Variants in RGS17 observed in about 807,000 individuals in gnomAD.
The protein encoded by RGS17 is regulator of G protein signaling 17.
A neutral mutation model predicts 25.5 loss-of-function variants in RGS17; 12 were observed. That is an observed-to-expected ratio of 0.47 (90% CI 0.30 to 0.76). RGS17 has a LOEUF of 0.76. Among genes scored for constraint, RGS17 ranks in the 30% least tolerant of loss-of-function variants. The pLI, the probability that RGS17 is intolerant of heterozygous loss-of-function variation, is 0.07. For synonymous variants in RGS17, 71 were observed against 76.9 expected, an observed-to-expected ratio of 0.92 and a Z score of 0.40; for missense variants, 196 against 242.2, an observed-to-expected ratio of 0.81 and a Z score of 1.27.
intron 1 of RGS17, among the ~76,000 whole-genome samples, chr6:153,085,335 G>A (rs1448564350): frequency 2.0e-5 from 3 of 152,078 alleles, no homozygotes; most frequent in African/African-American, 4.8e-5. Flanking sequence ...TCCTCCTCAC[G>A]CAGAGAAGAC....
At chr6:153,044,076 A>G (rs1207525872) in intron 1 of RGS17, 33 bp from the exon 2 acceptor site, 10 of 1,015,746 alleles carry the variant, frequency 9.8e-6, no homozygotes, top group East Asian at 2.4e-5. Flanking sequence ...TTGGGTATGA[A>G]AAAAGCAATA....
chr6:153,026,440 G>A lies in RGS17; in HGVS notation c.209+14C>T. The A allele has an allele frequency of 6.3e-7, 1 of 1,587,482 alleles. No individual in the cohort carries two copies. On this transcript the variant is annotated intron_variant, in intron 3 of 4. Coordinates refer to ENST00000206262, the MANE Select transcript of RGS17 (RefSeq NM_012419.5). ...AAATGCAAGAAACAATAGCTATGTGGTTCTCACACTCACCATTCCTCTAGG... is the reference window on the plus strand; with the variant it reads ...AAATGCAAGAAACAATAGCTATGTGATTCTCACACTCACCATTCCTCTAGG...
chr6:153,072,240 T>C (rs1776814370), intron 1 of RGS17, among the ~76,000 whole-genome samples: 1 of 152,152 alleles, frequency 6.6e-6, no homozygotes, highest in African/African-American at 2.4e-5. Context: ...ATAGCATTGC[T>C]CTATTCCAAA....
At chr6:153,127,836 G>A (rs772634160) in intron 1 of RGS17, among the ~76,000 whole-genome samples, 2 of 152,162 alleles carry the variant, frequency 1.3e-5, no homozygotes, top group African/African-American at 2.4e-5. Flanking sequence ...TGTAAGTGCT[G>A]ATTTTAAAAA....
chr6:153,102,576 G>A (rs776490994), intron 1 of RGS17, among the ~76,000 whole-genome samples: 5 of 152,160 alleles, frequency 3.3e-5, no homozygotes, highest in Non-Finnish European at 7.4e-5. Context: ...CCCCCATGCC[G>A]TTCTCATGAT....
chr6:153,084,119 G>A (rs756089888), intron 1 of RGS17, among the ~76,000 whole-genome samples: 4 of 152,106 alleles, frequency 2.6e-5, no homozygotes, highest in Non-Finnish European at 4.4e-5. Flanking sequence ...TTGGTCTTCT[G>A]GCATACAAGG....
chr6:153,117,644 C>T (rs75577362), intron 1 of RGS17, among the ~76,000 whole-genome samples: 1,799 of 152,272 alleles, frequency 0.012, 30 homozygotes, highest in African/African-American at 0.041. Context: ...CCTCCAAACC[C>T]CAGTGTTCTT....
intron 1 of RGS17, among the ~76,000 whole-genome samples, chr6:153,067,529 A>G (rs1270878690): frequency 1.3e-5 from 2 of 152,234 alleles, no homozygotes; most frequent in Non-Finnish European, 2.9e-5. Flanking sequence ...ACAATCTGAA[A>G]AAGAAACCAA....
intron 1 of RGS17, among the ~76,000 whole-genome samples, chr6:153,056,796 T>C (rs1776566176): frequency 6.6e-6 from 1 of 152,064 alleles, no homozygotes. Flanking sequence ...TTTGTTTAGA[T>C]ATTGTTTTCC....
chr6:153,032,063 A>C, intron 2 of RGS17, among the ~76,000 whole-genome samples: 1 of 152,174 alleles, frequency 6.6e-6, no homozygotes, highest in Non-Finnish European at 1.5e-5. Context: ...GGAAAGGAGA[A>C]TAGAACTGAT....
At chr6:153,025,205 T>C (rs1017987434) in intron 3 of RGS17, among the ~76,000 whole-genome samples, 3 of 151,974 alleles carry the variant, frequency 2.0e-5, no homozygotes, top group Admixed American at 1.3e-4. Context: ...TCCCAGCTAT[T>C]TGGGAGTTGA....
Position 153,008,697 on chromosome 6 carries a change from A to G in RGS17, c.*2877T>C, listed in dbSNP as rs1779102428. The stretch of plus-strand genomic sequence containing the variant: ...CAAAGATACCTTGGCAATTGAAAAC[A>G]CAAAGTGTCCATTTTAAAGTGCTAA... On this transcript the variant is annotated 3_prime_UTR_variant, in exon 5 of 5. Transcript: ENST00000206262. The G allele has an allele frequency of 6.6e-6, 1 of 152,224 alleles. No homozygotes were observed. Among genetic ancestry groups the G allele is most frequent in the Non-Finnish European group, 1.5e-5 (1 of 68,026 alleles). 9.4% of individuals were successfully genotyped at this position (152,224 alleles called of 1,614,324 possible).
At chr6:153,110,362 A>G (rs938618002) in intron 1 of RGS17, among the ~76,000 whole-genome samples, 26 of 151,714 alleles carry the variant, frequency 1.7e-4, no homozygotes, top group African/African-American at 6.1e-4. Context: ...CTGCTTTTAC[A>G]TTTGTATGTC....
Position 153,023,210 on chromosome 6 carries a change from T to C in RGS17, c.444+1052A>G, listed in dbSNP as rs181318286. Among the ~76,000 whole-genome samples the C allele has an allele frequency of 3.9e-5, 6 of 152,270 alleles. No homozygotes were observed. The East Asian group carries it at 1.2e-3, about 29-fold the overall frequency. On this transcript the variant is annotated intron_variant, in intron 4 of 4. Transcript: ENST00000206262. Reference sequence around the variant, plus strand: ...TTTATAGATCTCAAAGCAAGGAGTGTAAGGCAGCCTGGGACCATGCCAGGT... The same window carrying C: ...TTTATAGATCTCAAAGCAAGGAGTGCAAGGCAGCCTGGGACCATGCCAGGT...
intron 1 of RGS17, among the ~76,000 whole-genome samples, chr6:153,066,611 A>T (rs1490744185): frequency 6.6e-6 from 1 of 152,190 alleles, no homozygotes; most frequent in Non-Finnish European, 1.5e-5. Flanking sequence ...ATACTAGCAA[A>T]CCAAATTCAA....
intron 1 of RGS17, among the ~76,000 whole-genome samples, chr6:153,054,042 TGTATATATGTATATAATATATATACA>T (rs1562321543): frequency 2.0e-4 from 10 of 49,862 alleles, no homozygotes; most frequent in Admixed American, 7.2e-4. Flanking sequence ...TACATATATA[TGTATATATGTATATAATATATATACA>T]TATATATATA....
chr6:153,016,982 A>C (rs1405953357), intron 4 of RGS17, among the ~76,000 whole-genome samples: 1 of 152,208 alleles, frequency 6.6e-6, no homozygotes, highest in Non-Finnish European at 1.5e-5. Flanking sequence ...ATTTCCTGTA[A>C]AGAACTCATC....
intron 4 of RGS17, 82 bp downstream of exon 4, chr6:153,024,180 G>A (rs1779274830): frequency 2.3e-6 from 2 of 860,702 alleles, no homozygotes; most frequent in Non-Finnish European, 3.8e-6. Flanking sequence ...CACACCCCAT[G>A]CCCTACCCAA....
intron 1 of RGS17, among the ~76,000 whole-genome samples, chr6:153,095,330 A>T (rs1466865629): frequency 6.6e-6 from 1 of 152,112 alleles, no homozygotes; most frequent in Non-Finnish European, 1.5e-5. Flanking sequence ...ATATTTTTTT[A>T]AAACTGAAGT....
Sources: gnomAD v4.1 joint callset for allele counts (sites outside exome capture counted in the v4.1 genomes callset) on GRCh38, gnomAD v4.1.1 for gene constraint, MANE v1.5 for transcripts, NCBI Gene and HGNC (gene_info 2026-07-23, HGNC 2026-07-21) for gene names.